Variants in NCAPD3 observed in about 807,000 individuals in gnomAD.
The protein encoded by NCAPD3 is condensin-2 complex subunit D3.
NCAPD3 carries 105 observed loss-of-function variants against 182.9 expected under a neutral mutation model. The ratio of observed to expected loss-of-function variants is 0.57; its 90% confidence interval spans 0.49 to 0.68. The LOEUF is 0.68. Among genes scored for constraint, NCAPD3 ranks in the 30% least tolerant of loss-of-function variants. NCAPD3 has a pLI of 0.00. For missense variants in NCAPD3, 1,944 were observed against 1,837.0 expected, an observed-to-expected ratio of 1.06 and a Z score of -1.07; for synonymous variants, 815 against 679.9, an observed-to-expected ratio of 1.20 and a Z score of -3.09.
At chr11:134,224,306 C>T (rs564590725), upstream of NCAPD3, 3 of 307,958 alleles carry the variant, frequency 9.7e-6, no homozygotes, top group Admixed American at 1.5e-4. Flanking sequence ...CGTCAGGCGA[C>T]ATTTCGCGTG....
intron 28 of NCAPD3, among the ~76,000 whole-genome samples, chr11:134,160,362 A>G (rs535791400): frequency 6.6e-6 from 1 of 152,268 alleles, no homozygotes; most frequent in Admixed American, 6.5e-5. Flanking sequence ...AAGCAGAAAA[A>G]TATGTGAGTA....
At position 134,203,216 on chromosome 11, in the gene NCAPD3, G is replaced by A. The variant is rs1324259940; in HGVS notation, c.1469-18C>T. On this transcript the variant is annotated intron_variant, in intron 11 of 34. Coordinates refer to ENST00000534548, the MANE Select transcript of NCAPD3 (RefSeq NM_015261.3). ...CGTAGGACCTAAAAACAAGAAGAAAGATAAGAAGGAAGAAGTCAGTATCAT... is the reference window on the plus strand; with the variant it reads ...CGTAGGACCTAAAAACAAGAAGAAAAATAAGAAGGAAGAAGTCAGTATCAT... 1 of 1,553,394 alleles carries A rather than the reference G, an allele frequency of 6.4e-7. No homozygotes were observed. The highest frequency in any genetic ancestry group is 8.9e-7 in the Non-Finnish European group (1 of 1,125,976).
intron 29 of NCAPD3, 96 bp from the exon 30 acceptor site, chr11:134,158,591 G>T: frequency 1.5e-6 from 2 of 1,304,648 alleles, no homozygotes; most frequent in Non-Finnish European, 2.1e-6. Flanking sequence ...GTCCATATGA[G>T]ATTTTGATAC....
Position 134,184,997 on chromosome 11 carries a change from C to T in NCAPD3, c.2241G>A (p.Gln747=). The change falls in exon 18 of 35, where the codon CAG becomes CAA. Residue 747 remains glutamine (Q), a synonymous_variant. Transcript: ENST00000534548. ...CTAAGGTGTTTGAATTGGGATTCTG[C>T]TGACTAGAGAAAGGGCAGGAGGAAT... is the stretch of plus-strand genomic sequence containing the variant. The part of the protein sequence containing the change: ...IIQSWEKISS[Q]QNPNSNTLGH... 1 of 1,608,538 alleles carries T rather than the reference C, an allele frequency of 6.2e-7. No individual in the cohort carries two copies. Among genetic ancestry groups the T allele is most frequent in the Non-Finnish European group, 8.5e-7 (1 of 1,175,044 alleles).
At position 134,223,935 on chromosome 11, in the gene NCAPD3, G is replaced by C. The variant is rs777061517; in HGVS notation, c.-9C>G. On this transcript the variant is annotated 5_prime_UTR_variant, in exon 1 of 35. Coordinates refer to ENST00000534548, the MANE Select transcript of NCAPD3 (RefSeq NM_015261.3). ...CCCCGCAACGCCACCATGATCCCAGGGCACCGGCTCGCCGCCGCCGTGCTC... is the reference window on the plus strand; with the variant it reads ...CCCCGCAACGCCACCATGATCCCAGCGCACCGGCTCGCCGCCGCCGTGCTC... 4 of 1,611,868 alleles carry C rather than the reference G, an allele frequency of 2.5e-6. No homozygotes were observed. The highest frequency in any genetic ancestry group is 3.3e-5 in the Admixed American group (2 of 59,944).
At chr11:134,218,002 G>A (rs1938089482) in intron 2 of NCAPD3, among the ~76,000 whole-genome samples, 1 of 151,658 alleles carries the variant, frequency 6.6e-6, no homozygotes, top group Non-Finnish European at 1.5e-5. Flanking sequence ...GGAGGGTGAG[G>A]TGGGAGGCTC....
intron 16 of NCAPD3, among the ~76,000 whole-genome samples, chr11:134,187,196 G>A (rs1360426535): frequency 6.6e-6 from 1 of 152,154 alleles, no homozygotes; most frequent in Non-Finnish European, 1.5e-5. Flanking sequence ...CCATGCTTCA[G>A]GCCCGTCTCC....
chr11:134,158,289 C>T (rs1943483699), intron 30 of NCAPD3, 40 bp downstream of exon 30: 1 of 1,609,434 alleles, frequency 6.2e-7, no homozygotes, highest in Admixed American at 1.7e-5. Context: ...AACATCGCCA[C>T]AGAGAACCAG....
chr11:134,199,915 T>A (rs1944715778), intron 13 of NCAPD3, among the ~76,000 whole-genome samples: 1 of 152,164 alleles, frequency 6.6e-6, no homozygotes, highest in South Asian at 2.1e-4. Context: ...TAATATAGAA[T>A]ATAGAGCACA....
In NCAPD3 at chr11:134,152,086, ATTG is replaced by A. The variant is rs1273585530; in HGVS notation, c.*855_*857del. 2 of 152,268 alleles carry A rather than the reference ATTG, an allele frequency of 1.3e-5. No individual in the cohort carries two copies. The highest frequency in any genetic ancestry group is 2.9e-5 in the Non-Finnish European group (2 of 68,046). 9.4% of individuals were successfully genotyped at this position (152,268 alleles called of 1,614,324 possible). ...AAACCAACTGCATTTCTTTCTGGAT[ATTG>A]TTGAACAAAAATAGCATTCAGTTTA... On this transcript the variant is annotated 3_prime_UTR_variant, in exon 35 of 35. Coordinates refer to ENST00000534548, the MANE Select transcript of NCAPD3 (RefSeq NM_015261.3).
In NCAPD3 at chr11:134,220,733, GA is replaced by G; in HGVS notation, c.65-8del. On this transcript the variant is annotated splice_region_variant and splice_polypyrimidine_tract_variant and intron_variant, in intron 1 of 34. Coordinates refer to ENST00000534548, the MANE Select transcript of NCAPD3 (RefSeq NM_015261.3). ...CACACTGTGTCAACCCATTCTAGGG[GA>G]AAATGCAATGAAATGTGTAAGTACT... The G allele has an allele frequency of 6.2e-7, 1 of 1,609,794 alleles. No homozygotes were observed. The highest frequency in any genetic ancestry group is 8.5e-7 in the Non-Finnish European group (1 of 1,176,678).
At chr11:134,209,550 CA>C in intron 4 of NCAPD3, 73 bp from the exon 5 acceptor site, 1 of 1,414,028 alleles carries the variant, frequency 7.1e-7, no homozygotes. Context: ...TCAATTTACC[CA>C]AACCAAGCCC....
rs1423850659 is a variant in NCAPD3 at position 134,210,256 on chromosome 11, AACTT to A, written c.567+10_567+13del. ...GTGTTGGTATATATGTTTTATACTC[AACTT>A]ACTTCTTACCTCAATATCTTCTCTC... On this transcript the variant is annotated intron_variant, in intron 4 of 34. Coordinates refer to ENST00000534548, the MANE Select transcript of NCAPD3 (RefSeq NM_015261.3). 2 of 1,604,182 alleles carry A rather than the reference AACTT, an allele frequency of 1.2e-6. No homozygotes were observed. Among genetic ancestry groups the A allele is most frequent in the Non-Finnish European group, 1.7e-6 (2 of 1,175,758 alleles).
At chr11:134,223,438 CAT>C (rs1481618435) in intron 1 of NCAPD3, 56 of 702,536 alleles carry the variant, frequency 8.0e-5, no homozygotes, top group African/African-American at 4.0e-4. Context: ...CATTTTCACT[CAT>C]GTGACGTTTG....
At chr11:134,188,533 G>A (rs1944459402) in intron 16 of NCAPD3, among the ~76,000 whole-genome samples, 1 of 152,158 alleles carries the variant, frequency 6.6e-6, no homozygotes, top group Admixed American at 6.5e-5. Context: ...CTGTAACACC[G>A]CAAGGGTCTG....
chr11:134,194,208 A>G lies in NCAPD3; in HGVS notation c.1690-58T>C, dbSNP rs560566766. On this transcript the variant is annotated intron_variant, in intron 14 of 34. Transcript: ENST00000534548. Reference sequence around the variant, plus strand: ...CTGCATAGCATCAACTCACAAAGATAAACTGTTAACAAAGGAACACTTCCT... The same window carrying G: ...CTGCATAGCATCAACTCACAAAGATGAACTGTTAACAAAGGAACACTTCCT... The G allele has an allele frequency of 7.7e-6, 12 of 1,549,236 alleles. No homozygotes were observed. The South Asian group carries it at 1.1e-4, about 14-fold the overall frequency.
At chr11:134,221,053 CAG>C (rs1458904886) in intron 1 of NCAPD3, among the ~76,000 whole-genome samples, 1 of 152,178 alleles carries the variant, frequency 6.6e-6, no homozygotes, top group Non-Finnish European at 1.5e-5. Flanking sequence ...AGAGAAGAAA[CAG>C]AGGTTAATCA....
At chr11:134,197,207 T>A (rs1339796790) in intron 13 of NCAPD3, among the ~76,000 whole-genome samples, 4 of 152,066 alleles carry the variant, frequency 2.6e-5, no homozygotes, top group African/African-American at 9.7e-5. Context: ...TGCTATACTT[T>A]CTGTACAGCC....
intron 3 of NCAPD3, among the ~76,000 whole-genome samples, chr11:134,215,404 T>C (rs898318228): frequency 1.3e-5 from 2 of 152,184 alleles, no homozygotes; most frequent in Non-Finnish European, 2.9e-5. Context: ...ACAGATGACA[T>C]GATCTTACAC....
Sources: allele counts gnomAD v4.1 joint callset (sites outside exome capture counted in the v4.1 genomes callset), GRCh38; gene constraint gnomAD v4.1.1; transcripts MANE v1.5; gene names NCBI Gene and HGNC (gene_info 2026-07-23, HGNC 2026-07-21).